Variants in JPH2 observed in about 807,000 individuals in gnomAD.
JPH2 encodes junctophilin 2.
Under a neutral mutation model 55.9 loss-of-function variants are expected in JPH2, and 38 were observed. That is an observed-to-expected ratio of 0.68 (90% CI 0.52 to 0.89). The LOEUF is 0.89. Ranked by LOEUF, JPH2 falls within the 40% of genes least tolerant of loss-of-function variation. The probability of loss-of-function intolerance (pLI) is 0.00; values close to 1 mark genes in which losing one functional copy is unlikely to be tolerated. For synonymous variants in JPH2, 480 were observed against 472.4 expected (o/e 1.02, Z -0.21); for missense variants, 964 against 1,037.6 (o/e 0.93, Z 0.97).
chr20:44,178,340 C>T (rs1263768945), intron 1 of JPH2, among the ~76,000 whole-genome samples: 16 of 152,014 alleles, frequency 1.1e-4, no homozygotes, highest in South Asian at 2.1e-4. Flanking sequence ...TGTTAAATGC[C>T]GTTTACAATA....
chr20:44,180,763 AAC>A (rs1342316477), intron 1 of JPH2, among the ~76,000 whole-genome samples: 1 of 152,164 alleles, frequency 6.6e-6, no homozygotes, highest in Admixed American at 6.5e-5. Flanking sequence ...CTCCCAGAAA[AAC>A]ACAGATAGTC....
chr20:44,160,154 G>C lies in JPH2; in HGVS notation c.633C>G (p.Ala211=). 7.0e-7 allele frequency: 1 copy of C among 1,428,658 alleles called. No homozygotes were observed. The allele number at this position is 1,428,658 out of a possible 1,614,324, so 88.5% of individuals were successfully genotyped here. A position where few individuals can be genotyped will look rare whatever the true frequency, so the allele number is the denominator to read the frequency against. The part of the protein sequence containing the change: ...ALSLLANAEA[A]ARAPKGGGLF... ...GGCCGCCGCCCTTGGGCGCCCGCGC[G>C]GCCGCCTCGGCATTGGCCAGGAGGC... The change falls in exon 2 of 6, where the codon GCC becomes GCG. Residue 211 remains alanine, a synonymous_variant. Transcript: ENST00000372980. This position sits in a 1 kb window ranked among gnomAD's most constrained non-coding sequence, Gnocchi z 4.9.
At chr20:44,162,149 C>T (rs1057436116) in intron 1 of JPH2, among the ~76,000 whole-genome samples, 6 of 152,236 alleles carry the variant, frequency 3.9e-5, no homozygotes, top group Non-Finnish European at 7.3e-5. Context: ...GTTTTAAACA[C>T]AAGCTGATAC....
At chr20:44,141,202 C>T (rs2072454239) in intron 2 of JPH2, among the ~76,000 whole-genome samples, 1 of 152,200 alleles carries the variant, frequency 6.6e-6, no homozygotes, top group East Asian at 1.9e-4. Flanking sequence ...CTAATTTGTT[C>T]AGGGAAGCAA....
At chr20:44,139,574 A>C (rs1256145743) in intron 2 of JPH2, among the ~76,000 whole-genome samples, 9 of 152,244 alleles carry the variant, frequency 5.9e-5, no homozygotes, top group African/African-American at 1.9e-4. Context: ...GCAAGATTCC[A>C]AACAGTATGT....
At chr20:44,162,785 T>C (rs3973734) in intron 1 of JPH2, among the ~76,000 whole-genome samples, 1,628 of 49,222 alleles carry the variant, frequency 0.033, 14 homozygotes, top group African/African-American at 0.075. Flanking sequence ...TATATATATA[T>C]ATACACACAC....
intron 1 of JPH2, among the ~76,000 whole-genome samples, chr20:44,165,593 A>AG (rs2072650340): frequency 6.6e-6 from 1 of 152,106 alleles, no homozygotes. Context: ...TCAGAAGAAA[A>AG]GCTGAAGTCC....
At position 44,160,490 on chromosome 20, in the gene JPH2, A is replaced by G; in HGVS notation, c.380-83T>C. On this transcript the variant is annotated intron_variant, in intron 1 of 5. Transcript: ENST00000372980. This position sits in a 1 kb window ranked among gnomAD's most constrained non-coding sequence, Gnocchi z 4.9. ...GGTGGCCTGGGAGGGCAAGGGCGGG[A>G]GTGGGCAAGGCGGGGTGGGACCGAG... The G allele has an allele frequency of 6.9e-7, 1 of 1,440,354 alleles. No individual in the cohort carries two copies. 89.2% of individuals were successfully genotyped at this position (1,440,354 alleles called of 1,614,324 possible).
At chr20:44,145,659 G>A (rs931315660) in intron 2 of JPH2, among the ~76,000 whole-genome samples, 7 of 150,742 alleles carry the variant, frequency 4.6e-5, no homozygotes, top group East Asian at 1.9e-4. Context: ...CCTAAGCACC[G>A]TTTATAGAGG....
intron 1 of JPH2, among the ~76,000 whole-genome samples, chr20:44,174,708 A>G (rs2072720776): frequency 1.3e-5 from 2 of 152,060 alleles, no homozygotes; most frequent in South Asian, 4.1e-4. Context: ...CAAGAAGCGG[A>G]GGTTGCAGTA....
chr20:44,152,470 G>A (rs761651365), intron 2 of JPH2, among the ~76,000 whole-genome samples: 3 of 152,146 alleles, frequency 2.0e-5, no homozygotes, highest in Non-Finnish European at 4.4e-5. Context: ...GAGCCAAGGA[G>A]TTCGAGACCT....
intron 1 of JPH2, among the ~76,000 whole-genome samples, chr20:44,183,302 G>A (rs2072802588): frequency 6.6e-6 from 1 of 152,232 alleles, no homozygotes; most frequent in Non-Finnish European, 1.5e-5. Flanking sequence ...AATTGCACTA[G>A]ATTCAAGAGG....
chr20:44,115,028 G>C, intron 4 of JPH2, 152 bp from the exon 5 acceptor site: 1 of 704,026 alleles, frequency 1.4e-6, no homozygotes, highest in Admixed American at 2.0e-5. Context: ...CTGTCACCTG[G>C]ATGGCAGACC....
chr20:44,177,537 C>G, intron 1 of JPH2: 1 of 1,128,724 alleles, frequency 8.9e-7, no homozygotes. Context: ...CTGCTGTGCT[C>G]TCCTGGGGTC....
intron 2 of JPH2, among the ~76,000 whole-genome samples, chr20:44,122,002 G>GA (rs756733159): frequency 6.6e-6 from 1 of 152,020 alleles, no homozygotes; most frequent in Non-Finnish European, 1.5e-5. Context: ...ATCTCAGAAA[G>GA]AAAAAAAGAA....
chr20:44,135,626 G>A (rs997158071), intron 2 of JPH2, among the ~76,000 whole-genome samples: 3 of 152,120 alleles, frequency 2.0e-5, no homozygotes, highest in African/African-American at 4.8e-5. Context: ...CTGCGTGCCT[G>A]TCACCAGACA....
At chr20:44,126,713 C>T (rs2072279587) in intron 2 of JPH2, among the ~76,000 whole-genome samples, 1 of 152,226 alleles carries the variant, frequency 6.6e-6, no homozygotes. Flanking sequence ...TCTCATTCGG[C>T]AAATGTGTGC....
chr20:44,151,907 G>A (rs919511730), intron 2 of JPH2, among the ~76,000 whole-genome samples: 11 of 152,150 alleles, frequency 7.2e-5, no homozygotes, highest in East Asian at 3.9e-4. Context: ...TACCTGGAAC[G>A]ACCTTTCTCT....
Position 44,160,147 on chromosome 20 carries a change from C to T in JPH2, c.640G>A (p.Ala214Thr). 7.0e-7 allele frequency: 1 copy of T among 1,434,950 alleles called. No individual in the cohort carries two copies. Among genetic ancestry groups the T allele is most frequent in the East Asian group, 2.9e-5 (1 of 34,574 alleles). The allele number at this position is 1,434,950 out of a possible 1,614,324, so 88.9% of individuals were successfully genotyped here. A position where few individuals can be genotyped will look rare whatever the true frequency, so the allele number is the denominator to read the frequency against. ...LLANAEAAAR[A>T]PKGGGLFQRG... is the part of the protein sequence containing the mutation. The stretch of plus-strand genomic sequence containing the variant: ...TGGAAGAGGCCGCCGCCCTTGGGCG[C>T]CCGCGCGGCCGCCTCGGCATTGGCC... The change falls in exon 2 of 6, where the codon GCG becomes ACG. Residue 214 changes from alanine to threonine, a missense_variant. Coordinates refer to ENST00000372980, the MANE Select transcript of JPH2 (RefSeq NM_020433.5). The surrounding 1 kb of genome is among the most constrained non-coding windows in gnomAD (Gnocchi z 4.9).
Sources: gnomAD v4.1 joint callset for allele counts (sites outside exome capture counted in the v4.1 genomes callset) on GRCh38, gnomAD v4.1.1 for gene constraint, Gnocchi (gnomAD v3.1) non-coding constraint, MANE v1.5 for transcripts, NCBI Gene and HGNC (gene_info 2026-07-23, HGNC 2026-07-21) for gene names.